DNAH7: variants seen among roughly 807,000 people sequenced by gnomAD.
The protein encoded by DNAH7 is axonemal beta dynein heavy chain 7.
Under a neutral mutation model 444.6 loss-of-function variants are expected in DNAH7, and 397 were observed. The observed-to-expected ratio is 0.89, with a 90% CI of 0.82 to 0.97. The LOEUF is 0.97. Among genes scored for constraint, DNAH7 ranks in the 50% least tolerant of loss-of-function variants. The probability of loss-of-function intolerance (pLI) is 0.00; values close to 1 mark genes in which losing one functional copy is unlikely to be tolerated. For missense variants in DNAH7, 4,902 were observed against 4,800.8 expected (o/e 1.02, Z -0.62); for synonymous variants, 1,636 against 1,624.4 (o/e 1.01, Z -0.17).
chr2:195,829,060 G>A (rs918313848), intron 48 of DNAH7, among the ~76,000 whole-genome samples: 1 of 151,996 alleles, frequency 6.6e-6, no homozygotes, highest in Non-Finnish European at 1.5e-5. Context: ...AGCCTTCTCT[G>A]GTTTTTCTGA....
intron 38 of DNAH7, 27 bp from the exon 39 acceptor site, chr2:195,873,721 A>T: frequency 4.0e-6 from 6 of 1,487,440 alleles, no homozygotes; most frequent in Admixed American, 2.6e-5. Context: ...ATAACTCTTA[A>T]TAATGTTACT....
At chr2:195,814,902 A>G (rs1399976343) in intron 51 of DNAH7, among the ~76,000 whole-genome samples, 1 of 151,678 alleles carries the variant, frequency 6.6e-6, no homozygotes, top group Non-Finnish European at 1.5e-5. Context: ...CACCGTGCCC[A>G]GCTAAATTTT....
chr2:195,998,926 G>C (rs1693868856), intron 12 of DNAH7: 1 of 508,298 alleles, frequency 2.0e-6, no homozygotes, highest in African/African-American at 1.9e-5. Flanking sequence ...CAAAATGAGA[G>C]AAAGCATGAG....
At chr2:195,950,466 AT>A (rs1485255827) in intron 19 of DNAH7, among the ~76,000 whole-genome samples, 2 of 151,506 alleles carry the variant, frequency 1.3e-5, no homozygotes, top group Admixed American at 6.6e-5. Flanking sequence ...CCCCTTTATC[AT>A]TTTTTTTATT....
intron 8 of DNAH7, 105 bp downstream of exon 8, chr2:196,024,324 T>C: frequency 1.4e-6 from 1 of 708,284 alleles, no homozygotes; most frequent in Non-Finnish European, 2.2e-6. Flanking sequence ...CATATACATT[T>C]ATATATAAAT....
At chr2:195,841,922 A>C (rs1698711453) in intron 47 of DNAH7, among the ~76,000 whole-genome samples, 1 of 152,044 alleles carries the variant, frequency 6.6e-6, no homozygotes, top group South Asian at 2.1e-4. Flanking sequence ...GTGAAAATAC[A>C]TGTTCACAGC....
At chr2:195,929,681 T>C (rs985009270) in intron 21 of DNAH7, among the ~76,000 whole-genome samples, 1 of 152,224 alleles carries the variant, frequency 6.6e-6, no homozygotes, top group African/African-American at 2.4e-5. Flanking sequence ...TGAAGAAGAA[T>C]GAAACTTTAC....
chr2:195,898,780 T>A (rs550318168), intron 28 of DNAH7, among the ~76,000 whole-genome samples: 2 of 152,216 alleles, frequency 1.3e-5, no homozygotes, highest in Non-Finnish European at 2.9e-5. Flanking sequence ...TTAAGAAAAC[T>A]CACATTAGAT....
At chr2:196,005,302 AC>A (rs112957979) in intron 10 of DNAH7, among the ~76,000 whole-genome samples, 2,410 of 150,360 alleles carry the variant, frequency 0.016, 74 homozygotes, top group African/African-American at 0.056. Context: ...AAACAAACAA[AC>A]AAAAATATAT....
chr2:195,962,127 G>A (rs1203405034), intron 17 of DNAH7, among the ~76,000 whole-genome samples: 1 of 152,160 alleles, frequency 6.6e-6, no homozygotes, highest in Non-Finnish European at 1.5e-5. Context: ...GAAGAGAACT[G>A]AAAAGTGTTC....
chr2:195,756,728 T>C (rs1388356654), intron 61 of DNAH7, among the ~76,000 whole-genome samples: 1 of 152,076 alleles, frequency 6.6e-6, no homozygotes, highest in Non-Finnish European at 1.5e-5. Flanking sequence ...GCAAGGTGGC[T>C]CATGCCTGTA....
intron 61 of DNAH7, among the ~76,000 whole-genome samples, chr2:195,769,113 A>G (rs1401370796): frequency 6.6e-6 from 1 of 152,218 alleles, no homozygotes; most frequent in Non-Finnish European, 1.5e-5. Context: ...TTAGTGAAAT[A>G]TGAAGAGAAT....
At chr2:195,865,052 ACTTT>A in intron 40 of DNAH7, 31 bp from the exon 41 acceptor site, 7 of 1,525,750 alleles carry the variant, frequency 4.6e-6, no homozygotes, top group Admixed American at 2.2e-5. Flanking sequence ...AGCTTTAGAA[ACTTT>A]CTTCTGATTT....
At chr2:195,876,420 A>G in intron 37 of DNAH7, 124 bp downstream of exon 37, 1 of 938,202 alleles carries the variant, frequency 1.1e-6, no homozygotes, top group Non-Finnish European at 1.6e-6. Flanking sequence ...AGAACCTTTT[A>G]ATCCAAATTT....
intron 40 of DNAH7, among the ~76,000 whole-genome samples, chr2:195,867,115 T>C (rs1294818119): frequency 6.6e-6 from 1 of 152,176 alleles, no homozygotes; most frequent in Non-Finnish European, 1.5e-5. Context: ...AATGGACTAA[T>C]ACAGGTACAA....
intron 24 of DNAH7, among the ~76,000 whole-genome samples, chr2:195,914,647 T>C (rs2125321001): frequency 6.6e-6 from 1 of 152,280 alleles, no homozygotes; most frequent in East Asian, 1.9e-4. Flanking sequence ...CTGAAAAACA[T>C]CATTTTATTT....
intron 2 of DNAH7, among the ~76,000 whole-genome samples, chr2:196,052,322 T>C (rs536134297): frequency 6.6e-6 from 1 of 152,320 alleles, no homozygotes; most frequent in Non-Finnish European, 1.5e-5. Flanking sequence ...TCCTCTATTC[T>C]TCAGGGCTGT....
chr2:195,787,686 G>A (rs1425298212), intron 57 of DNAH7, among the ~76,000 whole-genome samples: 1 of 152,188 alleles, frequency 6.6e-6, no homozygotes, highest in Non-Finnish European at 1.5e-5. Context: ...CCCCAGTAGG[G>A]AGGGTTGTGT....
chr2:196,032,558 G>A lies in DNAH7; in HGVS notation c.399-4511C>T, dbSNP rs141180219. Among the ~76,000 whole-genome samples the A allele has an allele frequency of 2.4e-3, 372 of 152,214 alleles. 8 individuals carry two copies. Among genetic ancestry groups the A allele is most frequent in the Non-Finnish European group, 3.8e-4 (26 of 68,008 alleles). On this transcript the variant is annotated intron_variant, in intron 5 of 64. Coordinates refer to ENST00000312428, the MANE Select transcript of DNAH7 (RefSeq NM_018897.3). ...AATACGTTCCCAAAAGGCAAAAAAGGATCAAATATGACCCAATCAACAACA... is the reference window on the plus strand; with the variant it reads ...AATACGTTCCCAAAAGGCAAAAAAGAATCAAATATGACCCAATCAACAACA...
Sources: allele counts gnomAD v4.1 joint callset (sites outside exome capture counted in the v4.1 genomes callset), GRCh38; gene constraint gnomAD v4.1.1; transcripts MANE v1.5; gene names NCBI Gene and HGNC (gene_info 2026-07-23, HGNC 2026-07-21).